HOOK3: variants seen among roughly 807,000 people sequenced by gnomAD.
HOOK3 encodes protein Hook homolog 3.
HOOK3 carries 24 observed loss-of-function variants against 116.3 expected under a neutral mutation model. That is an observed-to-expected ratio of 0.21 (90% CI 0.15 to 0.29). The LOEUF (loss-of-function observed/expected upper bound fraction) is 0.29. HOOK3 is among the 10% of genes least tolerant of loss of function. The pLI is 1.00. For synonymous variants in HOOK3, 275 were observed against 283.0 expected (o/e 0.97, Z 0.28); for missense variants, 632 against 830.2 (o/e 0.76, Z 2.93).
At chr8:42,967,443 T>C (rs1377353768) in intron 10 of HOOK3, among the ~76,000 whole-genome samples, 1 of 152,202 alleles carries the variant, frequency 6.6e-6, no homozygotes, top group East Asian at 1.9e-4. Context: ...TTCTTCCTCC[T>C]GTTCAGGGCT....
intron 6 of HOOK3, 54 bp downstream of exon 6, chr8:42,950,509 A>G (rs1808319106): frequency 9.6e-6 from 11 of 1,150,868 alleles, no homozygotes; most frequent in African/African-American, 1.5e-5. Context: ...AGTAAACATG[A>G]GTATGAATAA....
chr8:42,999,251 G>A (rs186809380), intron 16 of HOOK3, among the ~76,000 whole-genome samples: 2 of 152,292 alleles, frequency 1.3e-5, no homozygotes, highest in East Asian at 3.9e-4. Context: ...TATGCTGTGG[G>A]CCATTACTTT....
At chr8:42,918,357 G>GA (rs557991412) in intron 2 of HOOK3, among the ~76,000 whole-genome samples, 1 of 152,058 alleles carries the variant, frequency 6.6e-6, no homozygotes, top group East Asian at 1.9e-4. Flanking sequence ...AAAGAAAAAA[G>GA]AAAAAATTAC....
chr8:42,925,223 CAGT>C lies in HOOK3; in HGVS notation c.144-331_144-329del, dbSNP rs575948723. Among the ~76,000 whole-genome samples, 5 of 151,842 alleles carry C rather than the reference CAGT, an allele frequency of 3.3e-5. No individual in the cohort carries two copies. In the East Asian group the frequency reaches 9.8e-4, roughly 30 times the overall value. ...AGGGATTCTCCCACCTCAGCCTCCT[CAGT>C]AGCTGGGATTACAGGCATGTCCCAC... is the stretch of plus-strand genomic sequence containing the variant. On this transcript the variant is annotated intron_variant, in intron 2 of 21. Transcript: ENST00000307602.
At chr8:42,952,672 A>T (rs188639258) in intron 6 of HOOK3, among the ~76,000 whole-genome samples, 11 of 152,340 alleles carry the variant, frequency 7.2e-5, no homozygotes, top group Middle Eastern at 3.4e-3. Context: ...ATCTCTAGGG[A>T]AATTCTTTAT....
At chr8:42,924,681 CTG>C (rs1160496193) in intron 2 of HOOK3, among the ~76,000 whole-genome samples, 1 of 152,090 alleles carries the variant, frequency 6.6e-6, no homozygotes, top group African/African-American at 2.4e-5. Context: ...AGTTTAAAGA[CTG>C]TGTCACTGGC....
intron 9 of HOOK3, among the ~76,000 whole-genome samples, chr8:42,965,630 G>A (rs1250291696): frequency 6.6e-6 from 1 of 152,182 alleles, no homozygotes; most frequent in Non-Finnish European, 1.5e-5. Context: ...CCTAGCCATA[G>A]ATTTCTAGTG....
chr8:42,897,182 C>G lies in HOOK3; in HGVS notation c.51C>G (p.Leu17=). 3 of 1,247,130 alleles carry G rather than the reference C, an allele frequency of 2.4e-6. No homozygotes were observed. Among genetic ancestry groups the G allele is most frequent in the Non-Finnish European group, 3.0e-6 (3 of 990,984 alleles). 77.3% of individuals were successfully genotyped at this position (1,247,130 alleles called of 1,614,324 possible). Residue 17 remains leucine (L), a synonymous_variant, in exon 1 of 22, where the codon CTC becomes CTG. Transcript: ENST00000307602. The part of the protein sequence containing the change: ...LERAELCESL[L]TWIQTFNVDA... ...GGGCGGAGCTGTGCGAGAGCCTCCT[C>G]ACTTGGGTACGTGGGGGCCGCGGGC...
intron 11 of HOOK3, among the ~76,000 whole-genome samples, chr8:42,971,038 C>T (rs538550445): frequency 1.5e-4 from 23 of 152,122 alleles, no homozygotes; most frequent in South Asian, 2.1e-4. Context: ...CCTCCTGCCT[C>T]GGCCTCCCAA....
At chr8:42,938,652 A>T (rs921047542) in intron 4 of HOOK3, among the ~76,000 whole-genome samples, 3 of 152,084 alleles carry the variant, frequency 2.0e-5, no homozygotes, top group African/African-American at 7.2e-5. Context: ...TCACTTGTGA[A>T]GCTTAGTTTG....
chr8:42,907,976 AG>A (rs1403546513), intron 2 of HOOK3, among the ~76,000 whole-genome samples: 1 of 152,170 alleles, frequency 6.6e-6, no homozygotes, highest in African/African-American at 2.4e-5. Context: ...GTAAAGTTGC[AG>A]GATACAAAAT....
At chr8:42,914,423 A>G (rs1421139332) in intron 2 of HOOK3, among the ~76,000 whole-genome samples, 1 of 152,208 alleles carries the variant, frequency 6.6e-6, no homozygotes, top group African/African-American at 2.4e-5. Context: ...TATGAATAAT[A>G]TGTAATCCAT....
chr8:42,933,603 G>A (rs370790339), intron 4 of HOOK3, among the ~76,000 whole-genome samples: 2 of 152,128 alleles, frequency 1.3e-5, no homozygotes, highest in African/African-American at 4.8e-5. Flanking sequence ...TGAATTCGGT[G>A]TATTTCTCTT....
Position 42,959,282 on chromosome 8 carries a change from A to G in HOOK3, c.583A>G (p.Ile195Val), listed in dbSNP as rs764957515. The change falls in exon 8 of 22, where the codon ATT (isoleucine) becomes GTT (valine). Residue 195 changes from isoleucine (I) to valine (V), a missense_variant. Physicochemically the swap from Ile to Val is conservative, Grantham distance 29 (BLOSUM62 3). Transcript: ENST00000307602. ...LNEALSAKEE[I>V]AQRCHELDMQ... ...TGAAGCTTTGTCAGCAAAGGAAGAA[A>G]TTGCTCAAAGATGCCATGAACTGGA... 1.2e-6 allele frequency: 2 copies of G among 1,613,924 alleles called. No individual in the cohort carries two copies. Among genetic ancestry groups the G allele is most frequent in the Non-Finnish European group, 1.7e-6 (2 of 1,179,802 alleles).
chr8:42,966,875 G>C (rs1808641659), intron 10 of HOOK3, among the ~76,000 whole-genome samples: 1 of 152,164 alleles, frequency 6.6e-6, no homozygotes, highest in African/African-American at 2.4e-5. Flanking sequence ...CGATACACAA[G>C]TGTTTGTAAA....
Position 43,025,162 on chromosome 8 carries a change from T to TG in HOOK3, c.*6670dup. The TG allele has an allele frequency of 4.8e-6, 1 of 209,988 alleles. No homozygotes were observed. 13.0% of individuals were successfully genotyped at this position (209,988 alleles called of 1,614,324 possible). On this transcript the variant is annotated 3_prime_UTR_variant, in exon 22 of 22. Coordinates refer to ENST00000307602, the MANE Select transcript of HOOK3 (RefSeq NM_032410.4). ...GCAAGTATATGAGTTTTGGTGATTG[T>TG]GGGGGGTTATAAATGTTTTCCTATG...
At chr8:42,957,068 TA>T in intron 6 of HOOK3, 25 bp from the exon 7 acceptor site, 1 of 1,456,860 alleles carries the variant, frequency 6.9e-7, no homozygotes, top group African/African-American at 1.4e-5. Context: ...GCCTCATAGT[TA>T]TAATCATTTA....
chr8:42,967,647 A>G (rs759705850), intron 10 of HOOK3, among the ~76,000 whole-genome samples: 40 of 152,134 alleles, frequency 2.6e-4, no homozygotes, highest in Admixed American at 2.0e-4. Flanking sequence ...CTTAGATTAC[A>G]TAAGGTAAAA....
intron 17 of HOOK3, among the ~76,000 whole-genome samples, chr8:43,003,523 G>A (rs756907399): frequency 7.2e-5 from 11 of 152,086 alleles, no homozygotes; most frequent in Non-Finnish European, 1.6e-4. Context: ...TATTCTGTGC[G>A]CAGTCATTTA....
Sources: allele counts gnomAD v4.1 joint callset (sites outside exome capture counted in the v4.1 genomes callset), GRCh38; gene constraint gnomAD v4.1.1; transcripts MANE v1.5; gene names NCBI Gene and HGNC (gene_info 2026-07-23, HGNC 2026-07-21).